The following HIC2 variants were observed in gnomAD, a reference collection of about 807,000 sequenced individuals.
HIC2 encodes hypermethylated in cancer 2 protein.
Under a neutral mutation model 39.5 loss-of-function variants are expected in HIC2, and 2 were observed. The observed-to-expected ratio is 0.05, with a 90% CI of 0.02 to 0.16. HIC2 has a LOEUF of 0.16. Ranked by LOEUF, HIC2 falls within the 10% of genes least tolerant of loss-of-function variation. The pLI is 1.00. For missense variants in HIC2, 713 were observed against 863.5 expected, an observed-to-expected ratio of 0.83 and a Z score of 2.18; for synonymous variants, 399 against 368.8, an observed-to-expected ratio of 1.08 and a Z score of -0.94.
At position 21,448,587 on chromosome 22, in the gene HIC2, CAG is replaced by C. The variant is rs959971317; in HGVS notation, c.*1847_*1848del. Reference sequence around the variant, plus strand: ...ATTTTAAGTTTAGACCAAAAAAATACAGAGTCATCCCCTACCCCCACCCCTCT... The same window carrying C: ...ATTTTAAGTTTAGACCAAAAAAATACAGTCATCCCCTACCCCCACCCCTCT... On this transcript the variant is annotated 3_prime_UTR_variant, in exon 3 of 3. Transcript: ENST00000407464. 1.2e-4 allele frequency: 19 copies of C among 152,580 alleles called. No homozygotes were observed. The highest frequency in any genetic ancestry group is 1.7e-4 in the African/African-American group (7 of 41,366). The allele number at this position is 152,580 out of a possible 1,614,324, so 9.5% of individuals were successfully genotyped here.
rs779665007 is a variant in HIC2 at position 21,446,584 on chromosome 22, C to T, written c.1689C>T (p.Cys563=). 12 of 1,613,474 alleles carry T rather than the reference C, an allele frequency of 7.4e-6. No individual in the cohort carries two copies. The highest frequency in any genetic ancestry group is 5.0e-5 in the Admixed American group (3 of 60,004). Residue 563 remains cysteine (C), a synonymous_variant, in exon 3 of 3, where the codon TGC becomes TGT. Transcript: ENST00000407464. ...RSHLGLKPFA[C]DECGMRFTRQ... is the part of the protein sequence containing the mutation. ...ACCTGGGCCTGAAGCCCTTCGCCTGCGATGAGTGTGGCATGCGCTTCACCC... is the reference window on the plus strand; with the variant it reads ...ACCTGGGCCTGAAGCCCTTCGCCTGTGATGAGTGTGGCATGCGCTTCACCC...
rs749751090 is a variant in HIC2 at position 21,446,425 on chromosome 22, C to T, written c.1530C>T (p.Cys510=). 8.7e-6 allele frequency: 14 copies of T among 1,611,806 alleles called. No homozygotes were observed. The highest frequency in any genetic ancestry group is 3.3e-4 in the Middle Eastern group (2 of 6,082). The stretch of plus-strand genomic sequence containing the variant: ...CCCGGCCCTTCAAGTGTTCGGTCTG[C>T]GAGAAGACCTACAAGGACCCAGCCA... ...AEPRPFKCSV[C]EKTYKDPATL... is the part of the protein sequence containing the mutation. Residue 510 remains cysteine, a synonymous_variant, in exon 3 of 3, where the codon TGC becomes TGT. Coordinates refer to ENST00000407464, the MANE Select transcript of HIC2 (RefSeq NM_015094.3).
Position 21,446,345 on chromosome 22 carries a change from G to A in HIC2, c.1450G>A (p.Ala484Thr). The change falls in exon 3 of 3, where the codon GCC (alanine) becomes ACC (threonine). Residue 484 changes from alanine (A) to threonine (T), a missense_variant. This residue lies in a region of HIC2 where 103 missense variants were observed against 103.4 expected (regional missense o/e 1.00). Coordinates refer to ENST00000407464, the MANE Select transcript of HIC2 (RefSeq NM_015094.3). The stretch of plus-strand genomic sequence containing the variant: ...GGCCTACGAGACAGGCAGTGGGGGT[G>A]CCGAGGAGGAGGCCGAGGACCTGTC... ...EGAYETGSGG[A>T]EEEAEDLSAP... is the part of the protein sequence containing the mutation. 1 of 1,613,060 alleles carries A rather than the reference G, an allele frequency of 6.2e-7. No individual in the cohort carries two copies. The highest frequency in any genetic ancestry group is 8.5e-7 in the Non-Finnish European group (1 of 1,180,000).
In HIC2 at chr22:21,444,972, C is replaced by T; in HGVS notation, c.77C>T (p.Pro26Leu). Residue 26 changes from proline (P) to leucine (L), a missense_variant, in exon 3 of 3, where the codon CCC (proline) becomes CTC (leucine). Pro to Leu is a moderately conservative substitution (Grantham distance 98). This residue lies in a region of HIC2 where 102 missense variants were observed against 187.1 expected (regional missense o/e 0.55). Transcript: ENST00000407464. ...GACATGGGGCCCGACATGGAGCTGC[C>T]CAGCCACTCGAAGCAGCTCCTGCTG... The part of the protein sequence containing the change: ...RGDMGPDMEL[P>L]SHSKQLLLQL... The T allele has an allele frequency of 6.2e-7, 1 of 1,613,732 alleles. No homozygotes were observed. The highest frequency in any genetic ancestry group is 8.5e-7 in the Non-Finnish European group (1 of 1,180,014).
In HIC2 at chr22:21,444,981, C is replaced by T. The variant is rs771382310; in HGVS notation, c.86C>T (p.Ser29Leu). The T allele has an allele frequency of 1.2e-6, 2 of 1,613,828 alleles. No individual in the cohort carries two copies. Among genetic ancestry groups the T allele is most frequent in the Non-Finnish European group, 1.7e-6 (2 of 1,180,010 alleles). Residue 29 changes from serine (S) to leucine (L), a missense_variant, in exon 3 of 3, where the codon TCG becomes TTG. Physicochemically the swap from Ser to Leu is moderately radical, Grantham distance 145 (BLOSUM62 -2). Around this residue, in one of 5 missense-constraint regions of HIC2, gnomAD observed 102 missense variants for 187.1 expected, o/e 0.55. Coordinates refer to ENST00000407464, the MANE Select transcript of HIC2 (RefSeq NM_015094.3). ...MGPDMELPSH[S>L]KQLLLQLNQQ... ...CCCGACATGGAGCTGCCCAGCCACT[C>T]GAAGCAGCTCCTGCTGCAGCTGAAC...
rs1924149073 is a variant in HIC2, at chr22:21,450,885, G to A, written c.*4142G>A. 1.3e-5 allele frequency: 2 copies of A among 152,872 alleles called. No individual in the cohort carries two copies. Among genetic ancestry groups the A allele is most frequent in the Admixed American group, 1.3e-4 (2 of 15,308 alleles). 9.5% of individuals were successfully genotyped at this position (152,872 alleles called of 1,614,324 possible). A position where few individuals can be genotyped will look rare whatever the true frequency, so the allele number is the denominator to read the frequency against. ...TCACCCCACTTTAACTTTCTACCAG[G>A]ACCCCCTCCCCCTACCTCACCTTGC... On this transcript the variant is annotated 3_prime_UTR_variant, in exon 3 of 3. Transcript: ENST00000407464.
Position 21,446,174 on chromosome 22 carries a change from T to C in HIC2, c.1279T>C (p.Tyr427His). 6.2e-7 allele frequency: 1 copy of C among 1,610,398 alleles called. No individual in the cohort carries two copies. Among genetic ancestry groups the C allele is most frequent in the Non-Finnish European group, 8.5e-7 (1 of 1,179,952 alleles). Residue 427 changes from tyrosine (Y) to histidine (H), a missense_variant, in exon 3 of 3, where the codon TAC (tyrosine) becomes CAC (histidine). Transcript: ENST00000407464. ...GSGHASAHYM[Y>H]RQEGYETVSY... Reference sequence around the variant, plus strand: ...CGGCCATGCCAGCGCCCACTACATGTACCGGCAGGAGGGCTACGAGACGGT... The same window carrying C: ...CGGCCATGCCAGCGCCCACTACATGCACCGGCAGGAGGGCTACGAGACGGT...
chr22:21,444,820 T>C, intron 2 of HIC2, 102 bp from the exon 3 acceptor site: 4 of 1,310,628 alleles, frequency 3.1e-6, no homozygotes, highest in Non-Finnish European at 2.1e-6. Flanking sequence ...CTATGTGGGG[T>C]CAGTTCTGAG....
In HIC2 at chr22:21,447,093, C is replaced by T. The variant is rs1027787898; in HGVS notation, c.*350C>T. 3.9e-5 allele frequency: 11 copies of T among 278,532 alleles called. No homozygotes were observed. The highest frequency in any genetic ancestry group is 1.5e-4 in the East Asian group (2 of 13,220). The allele number at this position is 278,532 out of a possible 1,614,324, so 17.3% of individuals were successfully genotyped here. A position where few individuals can be genotyped will look rare whatever the true frequency, so the allele number is the denominator to read the frequency against. On this transcript the variant is annotated 3_prime_UTR_variant, in exon 3 of 3. Coordinates refer to ENST00000407464, the MANE Select transcript of HIC2 (RefSeq NM_015094.3). ...AGAAAGGGCAGTGGGACGCTGGCCA[C>T]GGCCAGGGTGGTGTCGGGAGCAGGC...
Position 21,446,047 on chromosome 22 carries a change from T to C in HIC2, c.1152T>C (p.Pro384=), listed in dbSNP as rs1222646227. The C allele has an allele frequency of 1.9e-5, 30 of 1,601,680 alleles. No homozygotes were observed. Among genetic ancestry groups the C allele is most frequent in the Non-Finnish European group, 2.4e-5 (28 of 1,176,362 alleles). The stretch of plus-strand genomic sequence containing the variant: ...GCATCCTGGCTAGTGGGGCTGGCCC[T>C]AGCGGGCCCTATGGGGAGCCCCCCT... ...PNGILASGAG[P]SGPYGEPPYP... Residue 384 remains proline (P), a synonymous_variant, in exon 3 of 3, where the codon CCT becomes CCC. Transcript: ENST00000407464.
chr22:21,446,150 G>C lies in HIC2; in HGVS notation c.1255G>C (p.Gly419Arg). Residue 419 changes from glycine to arginine, a missense_variant, in exon 3 of 3, where the codon GGC becomes CGC. Gly to Arg is a moderately radical substitution (Grantham distance 125). Around this residue, in one of 5 missense-constraint regions of HIC2, gnomAD observed 457 missense variants for 420.2 expected, o/e 1.09. Transcript: ENST00000407464. The part of the protein sequence containing the change: ...SAQSGSEGGS[G>R]HASAHYMYRQ... Reference sequence around the variant, plus strand: ...GCAGAGCGGGAGCGAGGGGGGCAGCGGCCATGCCAGCGCCCACTACATGTA... The same window carrying C: ...GCAGAGCGGGAGCGAGGGGGGCAGCCGCCATGCCAGCGCCCACTACATGTA... 1 of 1,609,006 alleles carries C rather than the reference G, an allele frequency of 6.2e-7. No homozygotes were observed. Among genetic ancestry groups the C allele is most frequent in the Non-Finnish European group, 8.5e-7 (1 of 1,179,922 alleles).
intron 1 of HIC2, among the ~76,000 whole-genome samples, chr22:21,417,915 C>T (rs1922944160): frequency 6.7e-6 from 1 of 148,462 alleles, no homozygotes; most frequent in Non-Finnish European, 1.5e-5. Context: ...CTAATCCGAA[C>T]AGCGTCGGGC....
intron 2 of HIC2, among the ~76,000 whole-genome samples, chr22:21,444,300 G>A (rs555846076): frequency 4.7e-4 from 71 of 152,380 alleles, no homozygotes; most frequent in South Asian, 8.3e-4. Context: ...TGGAAGCCCA[G>A]GCTGGGGCAG....
At position 21,445,446 on chromosome 22, in the gene HIC2, G is replaced by C. The variant is rs1442899818; in HGVS notation, c.551G>C (p.Gly184Ala). 1 of 1,535,188 alleles carries C rather than the reference G, an allele frequency of 6.5e-7. No individual in the cohort carries two copies. The highest frequency in any genetic ancestry group is 2.2e-5 in the Admixed American group (1 of 45,248). Residue 184 changes from glycine to alanine, a missense_variant, in exon 3 of 3, where the codon GGG (glycine) becomes GCG (alanine). Around this residue, in one of 5 missense-constraint regions of HIC2, gnomAD observed 457 missense variants for 420.2 expected, o/e 1.09. Coordinates refer to ENST00000407464, the MANE Select transcript of HIC2 (RefSeq NM_015094.3). The part of the protein sequence containing the change: ...RYQGLVDGRK[G>A]AHAPQELPQA... ...CAGGGGCTCGTGGATGGGCGCAAGG[G>C]GGCCCACGCCCCCCAGGAGCTCCCC...
Position 21,445,692 on chromosome 22 carries a change from C to T in HIC2, c.797C>T (p.Thr266Ile), listed in dbSNP as rs1369123376. 1 of 1,611,890 alleles carries T rather than the reference C, an allele frequency of 6.2e-7. No individual in the cohort carries two copies. Among genetic ancestry groups the T allele is most frequent in the Non-Finnish European group, 8.5e-7 (1 of 1,179,630 alleles). Residue 266 changes from threonine (T) to isoleucine (I), a missense_variant, in exon 3 of 3, where the codon ACT becomes ATT. By Grantham distance (89) the Thr-to-Ile change is moderately conservative. Around this residue, in one of 5 missense-constraint regions of HIC2, gnomAD observed 457 missense variants for 420.2 expected, o/e 1.09. Coordinates refer to ENST00000407464, the MANE Select transcript of HIC2 (RefSeq NM_015094.3). ...LPPATPGPHLTPDDAAQLSDS... is the reference protein window; with the variant it reads ...LPPATPGPHLIPDDAAQLSDS... ...CCTGCCACCCCAGGTCCCCACCTCA[C>T]TCCCGATGACGCAGCCCAGCTGAGC...
In HIC2 at chr22:21,446,402, C is replaced by G; in HGVS notation, c.1507C>G (p.Arg503Gly). 2 of 1,612,160 alleles carry G rather than the reference C, an allele frequency of 1.2e-6. No individual in the cohort carries two copies. The highest frequency in any genetic ancestry group is 1.7e-6 in the Non-Finnish European group (2 of 1,180,026). The change falls in exon 3 of 3, where the codon CGG (arginine) becomes GGG (glycine). Residue 503 changes from arginine (R) to glycine (G), a missense_variant. Around this residue, in one of 5 missense-constraint regions of HIC2, gnomAD observed 103 missense variants for 103.4 expected, o/e 1.00. Transcript: ENST00000407464. The stretch of plus-strand genomic sequence containing the variant: ...CAGTGCGGCCTACACGGCTGAGCCC[C>G]GGCCCTTCAAGTGTTCGGTCTGCGA... Reference protein sequence around the residue: ...APSAAYTAEPRPFKCSVCEKT... With the variant: ...APSAAYTAEPGPFKCSVCEKT...
At chr22:21,444,208 A>G (rs1039730715) in intron 2 of HIC2, among the ~76,000 whole-genome samples, 1 of 152,218 alleles carries the variant, frequency 6.6e-6, no homozygotes, top group Non-Finnish European at 1.5e-5. Flanking sequence ...CTAGGCCCAG[A>G]TGGTGCTGCC....
rs1445958498 is a variant in HIC2 at position 21,445,266 on chromosome 22, G to A, written c.371G>A (p.Ser124Asn). 6.2e-7 allele frequency: 1 copy of A among 1,611,914 alleles called. No individual in the cohort carries two copies. Among genetic ancestry groups the A allele is most frequent in the Non-Finnish European group, 8.5e-7 (1 of 1,179,646 alleles). Residue 124 changes from serine to asparagine, a missense_variant, in exon 3 of 3, where the codon AGC becomes AAC. Physicochemically the swap from Ser to Asn is conservative, Grantham distance 46 (BLOSUM62 1). Coordinates refer to ENST00000407464, the MANE Select transcript of HIC2 (RefSeq NM_015094.3). Reference protein sequence around the residue: ...PNFSTLLTAASYLQLPELAAL... With the variant: ...PNFSTLLTAANYLQLPELAAL... ...TTCAGCACCCTCCTCACTGCCGCCAGCTACCTCCAGCTGCCCGAGTTGGCA... is the reference window on the plus strand; with the variant it reads ...TTCAGCACCCTCCTCACTGCCGCCAACTACCTCCAGCTGCCCGAGTTGGCA...
At position 21,417,461 on chromosome 22, in the gene HIC2, A is replaced by ACGGGGCGGGCGCGTGCGGCG; in HGVS notation, c.-170_-151dup. On this transcript the variant is annotated 5_prime_UTR_variant, in exon 1 of 3. Coordinates refer to ENST00000407464, the MANE Select transcript of HIC2 (RefSeq NM_015094.3). ...GCCGAGCCGGGCTGGCGGCAGGCGG[A>ACGGGGCGGGCGCGTGCGGCG]CGGGGCGGGCGCGTGCGGCGCGAGC... 1 of 140,472 alleles carries ACGGGGCGGGCGCGTGCGGCG rather than the reference A, an allele frequency of 7.1e-6. No individual in the cohort carries two copies. The highest frequency in any genetic ancestry group is 2.6e-5 in the African/African-American group (1 of 38,546). The allele number at this position is 140,472 out of a possible 1,614,324, so 8.7% of individuals were successfully genotyped here.
Sources: allele counts gnomAD v4.1 joint callset (sites outside exome capture counted in the v4.1 genomes callset), GRCh38; gene constraint gnomAD v4.1.1; regional missense constraint gnomAD v4.1.1; transcripts MANE v1.5; gene names NCBI Gene and HGNC (gene_info 2026-07-23, HGNC 2026-07-21).